Variants in MAF observed in about 807,000 individuals in gnomAD.
The protein encoded by MAF is transcription factor Maf.
Under a neutral mutation model 22.0 loss-of-function variants are expected in MAF, and 10 were observed. The observed-to-expected ratio is 0.45, with a 90% CI of 0.28 to 0.77. The LOEUF (loss-of-function observed/expected upper bound fraction) is 0.77. MAF is among the 30% of genes least tolerant of loss of function. MAF has a pLI of 0.12. For missense variants in MAF, 544 were observed against 548.4 expected (o/e 0.99, Z 0.08); for synonymous variants, 337 against 255.8 (o/e 1.32, Z -3.03).
the MAF span, among the ~76,000 whole-genome samples, chr16:79,460,248 T>G: frequency 6.6e-6 from 1 of 152,344 alleles, no homozygotes; most frequent in South Asian, 2.1e-4. Flanking sequence ...TTCTTTATTT[T>G]TTCCGGATTG....
chr16:79,233,940 C>T, the MAF span, among the ~76,000 whole-genome samples: 2 of 149,090 alleles, frequency 1.3e-5, no homozygotes, highest in East Asian at 2.0e-4. Flanking sequence ...TGCGGTGAGC[C>T]GAGATCACTC....
At chr16:79,449,460 T>G in the MAF span, among the ~76,000 whole-genome samples, 2 of 152,232 alleles carry the variant, frequency 1.3e-5, no homozygotes, top group South Asian at 4.1e-4. Flanking sequence ...GTGTGCTTGT[T>G]ATTTAGTTTT....
the MAF span, among the ~76,000 whole-genome samples, chr16:79,507,316 T>C: frequency 2.7e-5 from 4 of 149,508 alleles, no homozygotes; most frequent in African/African-American, 7.4e-5. Context: ...CCAGGTTTCA[T>C]TGTGTCAGCG....
At position 79,600,207 on chromosome 16, in the gene MAF, G is replaced by T; in HGVS notation, c.-305C>A. 3.1e-6 allele frequency: 1 copy of T among 325,574 alleles called. No homozygotes were observed. Among genetic ancestry groups the T allele is most frequent in the South Asian group, 6.5e-5 (1 of 15,444 alleles). 20.2% of individuals were successfully genotyped at this position (325,574 alleles called of 1,614,324 possible). A position where few individuals can be genotyped will look rare whatever the true frequency, so the allele number is the denominator to read the frequency against. ...GCCGAGCCGGCGGCTTCAGGCTCGG[G>T]AAGATCCTCCGCGAGCTGCGGTGGC... On this transcript the variant is annotated 5_prime_UTR_variant, in exon 1 of 2. Coordinates refer to ENST00000326043, the MANE Select transcript of MAF (RefSeq NM_005360.5).
At chr16:79,357,689 A>C in the MAF span, among the ~76,000 whole-genome samples, 9 of 152,182 alleles carry the variant, frequency 5.9e-5, no homozygotes, top group South Asian at 1.9e-3. Context: ...AGGCATTGGC[A>C]CTGCTTGGAC....
chr16:79,241,588 G>T, the MAF span, among the ~76,000 whole-genome samples: 1 of 152,066 alleles, frequency 6.6e-6, no homozygotes, highest in African/African-American at 2.4e-5. Flanking sequence ...GAAAGTGACG[G>T]GGAGAATGGA....
chr16:79,512,858 G>A, the MAF span, among the ~76,000 whole-genome samples: 2 of 152,232 alleles, frequency 1.3e-5, no homozygotes, highest in Non-Finnish European at 2.9e-5. Context: ...GCCGTGGGCA[G>A]CACAGCGCCG....
the MAF span, among the ~76,000 whole-genome samples, chr16:79,376,138 C>A: frequency 6.6e-6 from 1 of 151,846 alleles, no homozygotes; most frequent in African/African-American, 2.4e-5. Flanking sequence ...AAAAAATCAC[C>A]AGAAAAAGGT....
At chr16:79,292,224 T>C in the MAF span, among the ~76,000 whole-genome samples, 4 of 152,098 alleles carry the variant, frequency 2.6e-5, no homozygotes, top group Admixed American at 6.5e-5. Context: ...GCTGATGTGA[T>C]CAAGTTAGGG....
chr16:79,257,321 G>A, the MAF span, among the ~76,000 whole-genome samples: 1 of 152,254 alleles, frequency 6.6e-6, no homozygotes, highest in Admixed American at 6.5e-5. Context: ...TATCATTGCA[G>A]GGAGCTAAGG....
chr16:79,406,494 G>C, the MAF span, among the ~76,000 whole-genome samples: 17 of 152,118 alleles, frequency 1.1e-4, no homozygotes, highest in Admixed American at 2.6e-4. Context: ...TTCATAGATG[G>C]TGCCTTCAAG....
the MAF span, among the ~76,000 whole-genome samples, chr16:79,364,392 C>T: frequency 2.0e-5 from 3 of 152,156 alleles, no homozygotes; most frequent in Non-Finnish European, 4.4e-5. Context: ...ACTTCCCGCA[C>T]CTGTCACTAG....
the MAF span, among the ~76,000 whole-genome samples, chr16:79,487,811 GT>G: frequency 2.5e-4 from 38 of 152,254 alleles, no homozygotes; most frequent in African/African-American, 8.9e-4. Context: ...AATCCCCGTG[GT>G]TGCTAAGAAT....
At chr16:79,229,949 C>T in the MAF span, among the ~76,000 whole-genome samples, 6 of 151,852 alleles carry the variant, frequency 4.0e-5, no homozygotes, top group Non-Finnish European at 8.8e-5. Flanking sequence ...ACACACAGCC[C>T]CGCCATCTAA....
chr16:79,286,120 G>T, the MAF span, among the ~76,000 whole-genome samples: 1 of 152,214 alleles, frequency 6.6e-6, no homozygotes, highest in Non-Finnish European at 1.5e-5. Context: ...GGTGATATGG[G>T]CCAACTAGTC....
chr16:79,523,411 T>C, the MAF span, among the ~76,000 whole-genome samples: 1 of 152,234 alleles, frequency 6.6e-6, no homozygotes, highest in Non-Finnish European at 1.5e-5. Context: ...TCTAGAAGTC[T>C]TAAAATAACT....
chr16:79,496,337 A>G, the MAF span, among the ~76,000 whole-genome samples: 2 of 152,218 alleles, frequency 1.3e-5, no homozygotes, highest in African/African-American at 2.4e-5. Flanking sequence ...TAAAAGACTC[A>G]AAAAGGGCTT....
the MAF span, among the ~76,000 whole-genome samples, chr16:79,561,497 T>A: frequency 1.4e-5 from 2 of 138,118 alleles, no homozygotes; most frequent in African/African-American, 5.3e-5. Context: ...CCCCGGTGTG[T>A]GATGTTCCCC....
At chr16:79,243,653 A>G in the MAF span, among the ~76,000 whole-genome samples, 4 of 152,212 alleles carry the variant, frequency 2.6e-5, no homozygotes, top group Non-Finnish European at 5.9e-5. Flanking sequence ...AGGAGCTGGT[A>G]CCATTCCCTC....
Sources: allele counts gnomAD v4.1 joint callset (sites outside exome capture counted in the v4.1 genomes callset), GRCh38; gene constraint gnomAD v4.1.1; transcripts MANE v1.5; gene names NCBI Gene and HGNC (gene_info 2026-07-23, HGNC 2026-07-21).